The following SPTA1 variants were observed in gnomAD, a reference collection of about 807,000 sequenced individuals.
SPTA1 encodes spectrin alpha chain, erythrocytic 1.
SPTA1 carries 177 observed loss-of-function variants against 324.7 expected under a neutral mutation model. The observed-to-expected ratio is 0.55, with a 90% confidence interval of 0.48 to 0.62. SPTA1 has a LOEUF of 0.62. Among genes scored for constraint, SPTA1 ranks in the 20% least tolerant of loss-of-function variants. The pLI, the probability that SPTA1 is intolerant of heterozygous loss-of-function variation, is 0.00. For synonymous variants in SPTA1, 1,195 were observed against 1,041.3 expected (o/e 1.15, Z -2.84); for missense variants, 3,162 against 2,883.6 (o/e 1.10, Z -2.21).
intron 47 of SPTA1, among the ~76,000 whole-genome samples, chr1:158,615,835 T>G (rs959727997): frequency 1.1e-4 from 16 of 152,200 alleles, no homozygotes; most frequent in Non-Finnish European, 2.1e-4. Flanking sequence ...TCTGCAACAC[T>G]GATTGTGGCT....
chr1:158,673,237 A>G (rs1412878133), intron 10 of SPTA1, among the ~76,000 whole-genome samples: 1 of 151,976 alleles, frequency 6.6e-6, no homozygotes, highest in Non-Finnish European at 1.5e-5. Context: ...AAAAAACTAT[A>G]TTATAATGTT....
intron 39 of SPTA1, among the ~76,000 whole-genome samples, chr1:158,633,463 A>T (rs1326227294): frequency 2.0e-5 from 3 of 152,056 alleles, no homozygotes. Flanking sequence ...GATCGAAACC[A>T]TCCTGGCTAA....
At chr1:158,665,251 G>C (rs888584088) in intron 16 of SPTA1, among the ~76,000 whole-genome samples, 2 of 151,992 alleles carry the variant, frequency 1.3e-5, no homozygotes, top group Non-Finnish European at 2.9e-5. Context: ...TCTGTTCTCC[G>C]GGTAGATTTC....
intron 3 of SPTA1, 111 bp from the exon 4 acceptor site, chr1:158,681,778 T>A: frequency 7.4e-7 from 1 of 1,346,482 alleles, no homozygotes; most frequent in Non-Finnish European, 1.0e-6. Flanking sequence ...CAGTTACTCA[T>A]GCATTAGTTG....
chr1:158,643,816 C>A (rs1353583804), intron 30 of SPTA1, among the ~76,000 whole-genome samples: 3 of 152,096 alleles, frequency 2.0e-5, no homozygotes, highest in Non-Finnish European at 4.4e-5. Flanking sequence ...AGCTGCCCTG[C>A]CTGCCTCAGT....
intron 39 of SPTA1, among the ~76,000 whole-genome samples, 163 bp downstream of exon 39, chr1:158,634,380 T>C (rs1650904389): frequency 6.6e-6 from 1 of 152,238 alleles, no homozygotes; most frequent in Non-Finnish European, 1.5e-5. Context: ...ACTTACATGC[T>C]TGGACTTTAA....
intron 1 of SPTA1, 82 bp from the exon 2 acceptor site, chr1:158,685,429 C>T: frequency 6.3e-7 from 1 of 1,580,264 alleles, no homozygotes; most frequent in Non-Finnish European, 8.6e-7. Context: ...AAGGTGTTTA[C>T]TCATGTTGGA....
At chr1:158,628,713 T>C (rs1250241100) in intron 39 of SPTA1, among the ~76,000 whole-genome samples, 1 of 152,146 alleles carries the variant, frequency 6.6e-6, no homozygotes, top group East Asian at 1.9e-4. Context: ...ACCTTCGCCT[T>C]CTATTTTCAA....
chr1:158,633,945 C>T (rs1175164919), intron 39 of SPTA1, among the ~76,000 whole-genome samples: 1 of 152,256 alleles, frequency 6.6e-6, no homozygotes, highest in Non-Finnish European at 1.5e-5. Flanking sequence ...TTTAGGGTTA[C>T]TAGGCACAGT....
intron 51 of SPTA1, chr1:158,612,288 T>C (rs532330105): frequency 5.4e-6 from 1 of 183,546 alleles, no homozygotes; most frequent in East Asian, 1.5e-4. Context: ...TAATCATAGA[T>C]GATACTTTCC....
At chr1:158,618,972 G>T (rs573129203) in intron 45 of SPTA1, among the ~76,000 whole-genome samples, 8 of 152,328 alleles carry the variant, frequency 5.3e-5, no homozygotes, top group African/African-American at 1.4e-4. Context: ...AGAAAGAAAG[G>T]TGAGAGTATC....
In SPTA1 at chr1:158,666,417, C is replaced by G. The variant is rs1201333441; in HGVS notation, c.2119G>C (p.Glu707Gln). Residue 707 changes from glutamate (E) to glutamine (Q), a missense_variant, in exon 16 of 52, where the codon GAG (glutamate) becomes CAG (glutamine). Coordinates refer to ENST00000643759, the MANE Select transcript of SPTA1 (RefSeq NM_003126.4). ...TAATCCTCAGAGGTGACTTGCCACTCAACATCCTCCAGCCAGCGCTGCAAA... is the reference window on the plus strand; with the variant it reads ...TAATCCTCAGAGGTGACTTGCCACTGAACATCCTCCAGCCAGCGCTGCAAA... ...EDLQRWLEDV[E>Q]WQVTSEDYGK... 4 of 1,613,750 alleles carry G rather than the reference C, an allele frequency of 2.5e-6. No homozygotes were observed. The highest frequency in any genetic ancestry group is 3.4e-6 in the Non-Finnish European group (4 of 1,179,978).
At chr1:158,633,672 AAAAAAAGAAAAG>A (rs1210688714) in intron 39 of SPTA1, among the ~76,000 whole-genome samples, 51 of 151,406 alleles carry the variant, frequency 3.4e-4, no homozygotes, top group African/African-American at 1.1e-3. Flanking sequence ...AAAAAAAAAA[AAAAAAAGAAAAG>A]AAAAAAGAAA....
intron 16 of SPTA1, among the ~76,000 whole-genome samples, chr1:158,664,725 C>A (rs1433207334): frequency 1.3e-5 from 2 of 152,150 alleles, no homozygotes. Flanking sequence ...CCCTCAGTAG[C>A]CAACTGTTCT....
chr1:158,633,686 A>T (rs987369962), intron 39 of SPTA1, among the ~76,000 whole-genome samples: 1 of 151,584 alleles, frequency 6.6e-6, no homozygotes, highest in Non-Finnish European at 1.5e-5. Context: ...AAAGAAAAGA[A>T]AAAAGAAAAA....
chr1:158,656,545 A>C lies in SPTA1; in HGVS notation c.2898+19T>G. 6.2e-7 allele frequency: 1 copy of C among 1,604,614 alleles called. No individual in the cohort carries two copies. The highest frequency in any genetic ancestry group is 8.5e-7 in the Non-Finnish European group (1 of 1,171,848). ...TGTGGTGGGAAGTGTGAATCCTGTC[A>C]TCGCTAAGTTAGTCTTACCTGGCAG... is the stretch of plus-strand genomic sequence containing the variant. On this transcript the variant is annotated intron_variant, in intron 20 of 51. Transcript: ENST00000643759.
intron 49 of SPTA1, among the ~76,000 whole-genome samples, 193 bp from the exon 50 acceptor site, chr1:158,614,060 A>C (rs1649410508): frequency 6.6e-6 from 1 of 152,168 alleles, no homozygotes. Flanking sequence ...AAAGCATAAA[A>C]CATTGAGAAT....
At chr1:158,680,007 T>C (rs531092845) in intron 5 of SPTA1, among the ~76,000 whole-genome samples, 1 of 152,296 alleles carries the variant, frequency 6.6e-6, no homozygotes, top group Non-Finnish European at 1.5e-5. Flanking sequence ...TAGCCAACTG[T>C]TGGAGTTTAT....
intron 3 of SPTA1, among the ~76,000 whole-genome samples, chr1:158,683,038 T>C (rs957001013): frequency 2.0e-5 from 3 of 152,110 alleles, no homozygotes; most frequent in Non-Finnish European, 2.9e-5. Context: ...ACATTGAGGT[T>C]AGAGGAAATA....
Sources: gnomAD v4.1 joint callset for allele counts (sites outside exome capture counted in the v4.1 genomes callset) on GRCh38, gnomAD v4.1.1 for gene constraint, MANE v1.5 for transcripts, NCBI Gene and HGNC (gene_info 2026-07-23, HGNC 2026-07-21) for gene names.